The following SH3D19 variants were observed in gnomAD, a reference collection of about 807,000 sequenced individuals.
SH3D19 encodes SH3 domain-containing protein 19.
Under a neutral mutation model 112.1 loss-of-function variants are expected in SH3D19, and 58 were observed. The observed-to-expected ratio is 0.52, with a 90% CI of 0.42 to 0.64. The LOEUF (loss-of-function observed/expected upper bound fraction) is 0.64. Among genes scored for constraint, SH3D19 ranks in the 30% least tolerant of loss-of-function variants. The probability of loss-of-function intolerance (pLI) is 0.00; values close to 1 mark genes in which losing one functional copy is unlikely to be tolerated. For synonymous variants in SH3D19, 391 were observed against 448.5 expected (o/e 0.87, Z 1.62); for missense variants, 1,090 against 1,263.4 (o/e 0.86, Z 2.08).
intron 1 of SH3D19, chr4:151,279,320 G>T (rs1030969628): frequency 3.2e-5 from 6 of 185,288 alleles, no homozygotes; most frequent in Admixed American, 1.8e-4. Flanking sequence ...AAAGCACCAG[G>T]ATTACAGGCA....
At chr4:151,214,149 A>G (rs1187838453) in intron 2 of SH3D19, among the ~76,000 whole-genome samples, 1 of 151,830 alleles carries the variant, frequency 6.6e-6, no homozygotes, top group South Asian at 2.1e-4. Flanking sequence ...CCCTGAGTGG[A>G]CACAGCACAT....
rs143917975 is a variant in SH3D19, at chr4:151,216,534, T to C, written c.152+9513A>G. 6.7e-4 allele frequency among the ~76,000 whole-genome samples: 102 copies of C among 152,084 alleles called. 1 individual carries two copies. Among genetic ancestry groups the C allele is most frequent in the African/African-American group, 2.2e-3 (93 of 41,470 alleles). On this transcript the variant is annotated intron_variant, in intron 2 of 19. Coordinates refer to ENST00000604030, the MANE Select transcript of SH3D19 (RefSeq NM_001378122.1). ...AGAAAGGTAAATAACTAATATAAAA[T>C]ATAACCCAAGGGAAAGAGAGGAAAG... is the stretch of plus-strand genomic sequence containing the variant.
intron 2 of SH3D19, among the ~76,000 whole-genome samples, chr4:151,201,479 G>C (rs1764378501): frequency 2.0e-5 from 3 of 152,126 alleles, no homozygotes; most frequent in Admixed American, 2.0e-4. Flanking sequence ...TAGGTGCTGA[G>C]GACAAAAGTA....
intron 1 of SH3D19, among the ~76,000 whole-genome samples, chr4:151,317,894 C>T (rs1029678063): frequency 2.0e-5 from 3 of 151,642 alleles, no homozygotes; most frequent in Non-Finnish European, 4.4e-5. Context: ...GGGAGGCTGA[C>T]GCAGGAGAAT....
chr4:151,277,577 G>T (rs1023200739), intron 1 of SH3D19, among the ~76,000 whole-genome samples: 2 of 152,134 alleles, frequency 1.3e-5, no homozygotes, highest in Admixed American at 6.5e-5. Context: ...GTTAAAGAAG[G>T]CCTCACTAAG....
intron 1 of SH3D19, among the ~76,000 whole-genome samples, chr4:151,282,944 C>G (rs754631501): frequency 3.5e-4 from 54 of 152,194 alleles, no homozygotes; most frequent in Non-Finnish European, 6.6e-4. Flanking sequence ...TTTAGAATTA[C>G]TGAGTTTTAG....
intron 7 of SH3D19, among the ~76,000 whole-genome samples, chr4:151,169,796 G>T (rs541562618): frequency 6.6e-6 from 1 of 152,178 alleles, no homozygotes; most frequent in Admixed American, 6.5e-5. Context: ...AGCATCAGCA[G>T]AAGTGAACAT....
Position 151,133,095 on chromosome 4 carries a change from A to T in SH3D19, c.2628T>A (p.Ile876=), listed in dbSNP as rs1317417153. 1.2e-6 allele frequency: 2 copies of T among 1,614,118 alleles called. No homozygotes were observed. The highest frequency in any genetic ancestry group is 2.2e-5 in the East Asian group (1 of 44,882). The change falls in exon 16 of 20, where the codon ATT becomes ATA. Residue 876 remains isoleucine, a synonymous_variant. Transcript: ENST00000604030. ...CAGGCTCCACAAAGTTCAGGGGGAA[A>T]ATCCCAGTTCTGCCTCGAACTTCTC... ...ARGEVRGRTG[I]FPLNFVEPVE... is the part of the protein sequence containing the mutation.
At chr4:151,202,782 G>A (rs978004734) in intron 2 of SH3D19, among the ~76,000 whole-genome samples, 1 of 152,134 alleles carries the variant, frequency 6.6e-6, no homozygotes, top group African/African-American at 2.4e-5. Flanking sequence ...ATCTATTTAG[G>A]TAGCAAGTAT....
chr4:151,291,472 C>T, intron 1 of SH3D19: 2 of 1,488,254 alleles, frequency 1.3e-6, no homozygotes, highest in East Asian at 2.3e-5. Context: ...AGAGCCACTG[C>T]TAACCCTGGG....
intron 11 of SH3D19, among the ~76,000 whole-genome samples, chr4:151,147,087 T>A (rs2407439): frequency 0.97 from 147,141 of 152,298 alleles, 71,315 homozygotes; most frequent in African/African-American, 1. Flanking sequence ...AACTATATCA[T>A]GATATAAACT....
At chr4:151,206,306 GT>G (rs928583657) in intron 2 of SH3D19, among the ~76,000 whole-genome samples, 7 of 151,830 alleles carry the variant, frequency 4.6e-5, no homozygotes, top group African/African-American at 1.2e-4. Context: ...ATTAAAGAAG[GT>G]TTTTTTTGTG....
At chr4:151,204,946 G>A (rs914948897) in intron 2 of SH3D19, among the ~76,000 whole-genome samples, 2 of 151,816 alleles carry the variant, frequency 1.3e-5, no homozygotes, top group South Asian at 2.1e-4. Context: ...TCAGTCTCTC[G>A]AGTAGCCGGG....
intron 1 of SH3D19, among the ~76,000 whole-genome samples, chr4:151,266,646 C>T (rs922690373): frequency 4.6e-5 from 7 of 152,188 alleles, no homozygotes; most frequent in Non-Finnish European, 1.0e-4. Context: ...CTTCTAGGTG[C>T]TCTGACAAGG....
At position 151,128,229 on chromosome 4, in the gene SH3D19, C is replaced by G; in HGVS notation, c.2870G>C (p.Arg957Thr). The change falls in exon 18 of 20, where the codon AGG becomes ACG. Residue 957 changes from arginine (R) to threonine (T), a missense_variant. Coordinates refer to ENST00000604030, the MANE Select transcript of SH3D19 (RefSeq NM_001378122.1). ...CCCCTCCCTGTCCTGCAGTCTGCCCCTGCACCAGTCAGAATCCAGACGTTC... is the reference window on the plus strand; with the variant it reads ...CCCCTCCCTGTCCTGCAGTCTGCCCGTGCACCAGTCAGAATCCAGACGTTC... ...ILERLDSDWC[R>T]GRLQDREGIF... 6.2e-7 allele frequency: 1 copy of G among 1,614,154 alleles called. No individual in the cohort carries two copies. Among genetic ancestry groups the G allele is most frequent in the South Asian group, 1.1e-5 (1 of 91,064 alleles).
intron 2 of SH3D19, among the ~76,000 whole-genome samples, chr4:151,211,621 C>A (rs1009015148): frequency 2.0e-5 from 3 of 150,622 alleles, no homozygotes; most frequent in East Asian, 1.9e-4. Flanking sequence ...AATGTGCTAT[C>A]CCAGGGACCA....
intron 3 of SH3D19, among the ~76,000 whole-genome samples, chr4:151,182,486 C>T (rs1195250962): frequency 1.3e-5 from 2 of 152,206 alleles, no homozygotes; most frequent in African/African-American, 4.8e-5. Context: ...AGCAGGCCCC[C>T]AGGCAGCAGA....
At chr4:151,158,668 A>G (rs1174216791) in intron 9 of SH3D19, among the ~76,000 whole-genome samples, 2 of 151,716 alleles carry the variant, frequency 1.3e-5, no homozygotes, top group Admixed American at 1.3e-4. Flanking sequence ...AAGAAACCAC[A>G]AAAGTTGGAA....
At position 151,143,917 on chromosome 4, in the gene SH3D19, C is replaced by T; in HGVS notation, c.2216G>A (p.Arg739Lys). 1.2e-6 allele frequency: 2 copies of T among 1,612,608 alleles called. No homozygotes were observed. The highest frequency in any genetic ancestry group is 2.2e-5 in the South Asian group (2 of 90,702). Residue 739 changes from arginine to lysine, a missense_variant, in exon 12 of 20, where the codon AGA becomes AAA. By Grantham distance (26) the Arg-to-Lys change is conservative. Coordinates refer to ENST00000604030, the MANE Select transcript of SH3D19 (RefSeq NM_001378122.1). ...ITPLDEHLRS[R>K]PNDPSHAQKP... ...ACAATATTAATTCCTTACGTTTGGT[C>T]TGCTTCTAAGATGTTCATCAAGTGG...
Sources: allele counts gnomAD v4.1 joint callset (sites outside exome capture counted in the v4.1 genomes callset), GRCh38; gene constraint gnomAD v4.1.1; transcripts MANE v1.5; gene names NCBI Gene and HGNC (gene_info 2026-07-23, HGNC 2026-07-21).